The following CFAP69 variants were observed in gnomAD, a reference collection of about 807,000 sequenced individuals.
The protein encoded by CFAP69 is cilia and flagella associated protein 69.
Under a neutral mutation model 123.0 loss-of-function variants are expected in CFAP69, and 92 were observed. The observed-to-expected ratio is 0.75, with a 90% confidence interval of 0.63 to 0.89. The LOEUF (loss-of-function observed/expected upper bound fraction) is 0.89, where lower values mean the gene tolerates loss of function less well. CFAP69 is among the 40% of genes least tolerant of loss of function. CFAP69 has a pLI of 0.00. For synonymous variants in CFAP69, 380 were observed against 364.3 expected (o/e 1.04, Z -0.49); for missense variants, 1,067 against 1,096.9 (o/e 0.97, Z 0.39).
intron 21 of CFAP69, among the ~76,000 whole-genome samples, chr7:90,308,344 T>G (rs1793906183): frequency 6.6e-6 from 1 of 152,180 alleles, no homozygotes; most frequent in Non-Finnish European, 1.5e-5. Context: ...CTACTTCAAC[T>G]GTAAGCTAGA....
intron 15 of CFAP69, among the ~76,000 whole-genome samples, chr7:90,289,512 G>A (rs942746297): frequency 2.0e-5 from 3 of 151,860 alleles, no homozygotes; most frequent in African/African-American, 7.3e-5. Context: ...TTCTTTATAT[G>A]TCCTGGATAT....
downstream of CFAP69, among the ~76,000 whole-genome samples, chr7:90,311,996 T>A (rs1028734892): frequency 6.6e-6 from 1 of 152,202 alleles, no homozygotes; most frequent in East Asian, 1.9e-4. Flanking sequence ...TTAGGTACAC[T>A]TGAATTGATG....
chr7:90,304,196 G>A, intron 18 of CFAP69, 90 bp downstream of exon 18: 2 of 1,419,228 alleles, frequency 1.4e-6, no homozygotes, highest in Admixed American at 2.9e-5. Flanking sequence ...AATATAATGA[G>A]CAAAAATCTC....
intron 15 of CFAP69, 27 bp downstream of exon 15, chr7:90,288,379 T>C (rs1388333974): frequency 3.1e-6 from 5 of 1,599,034 alleles, no homozygotes; most frequent in Admixed American, 1.7e-5. Flanking sequence ...TCAAATTAGG[T>C]AGACTCACAG....
intron 20 of CFAP69, among the ~76,000 whole-genome samples, 176 bp from the exon 21 acceptor site, chr7:90,307,592 A>C (rs1793784135): frequency 6.6e-6 from 1 of 152,046 alleles, no homozygotes; most frequent in African/African-American, 2.4e-5. Context: ...GAGTTACTAT[A>C]TTCAATGCTG....
In CFAP69 at chr7:90,286,000, C is replaced by T. The variant is rs145837922; in HGVS notation, c.1538-281C>T. ...GGTTACTATGCAATGAAAATATCCT[C>T]TTCTAAAATAGTTTTTCTAGGCTGG... On this transcript the variant is annotated intron_variant, in intron 13 of 22. Transcript: ENST00000389297. Among the ~76,000 whole-genome samples, 1,354 of 152,232 alleles carry T rather than the reference C, an allele frequency of 8.9e-3. 21 individuals carry two copies. Among genetic ancestry groups the T allele is most frequent in the African/African-American group, 0.031 (1,267 of 41,518 alleles).
intron 2 of CFAP69, 32 bp downstream of exon 2, chr7:90,255,514 T>C: frequency 6.7e-7 from 1 of 1,496,018 alleles, no homozygotes; most frequent in Non-Finnish European, 9.3e-7. Flanking sequence ...ATTACTCCGC[T>C]GCATTACTTA....
downstream of CFAP69, among the ~76,000 whole-genome samples, chr7:90,313,958 A>C (rs1794547638): frequency 6.6e-6 from 1 of 152,224 alleles, no homozygotes; most frequent in Non-Finnish European, 1.5e-5. Flanking sequence ...AAGTCACGTC[A>C]ATGACATGTG....
chr7:90,264,100 AAAAAATATATATAT>A (rs1798728345), intron 4 of CFAP69, among the ~76,000 whole-genome samples: 1 of 33,062 alleles, frequency 3.0e-5, no homozygotes. Flanking sequence ...CGAAAAAAAA[AAAAAATATATATAT>A]ATATATATAT....
chr7:90,292,408 C>A (rs1791333684), intron 15 of CFAP69, among the ~76,000 whole-genome samples: 1 of 152,156 alleles, frequency 6.6e-6, no homozygotes. Flanking sequence ...TCCCAAAGGA[C>A]TTTTATTGGC....
In CFAP69 at chr7:90,278,024, T is replaced by C. The variant is rs574927235; in HGVS notation, c.1155+690T>C. ...TTTTAAACTATAAAGTGACAGTAAA[T>C]GTATTATTAACAATTCTGTTTAGTT... On this transcript the variant is annotated intron_variant, in intron 11 of 22. Coordinates refer to ENST00000389297, the MANE Select transcript of CFAP69 (RefSeq NM_001039706.3). Among the ~76,000 whole-genome samples, 50 of 152,210 alleles carry C rather than the reference T, an allele frequency of 3.3e-4. 1 individual carries two copies. The South Asian group carries it at 9.9e-3, about 30-fold the overall frequency.
At chr7:90,310,045 A>G (rs1315644802) in intron 22 of CFAP69, 23 bp from the exon 23 acceptor site, 9 of 1,589,490 alleles carry the variant, frequency 5.7e-6, no homozygotes, top group African/African-American at 1.4e-5. Context: ...GGACTTTTAG[A>G]TATTTACCTT....
chr7:90,295,027 C>T (rs926288975), intron 15 of CFAP69, among the ~76,000 whole-genome samples: 17 of 152,260 alleles, frequency 1.1e-4, no homozygotes, highest in African/African-American at 2.6e-4. Context: ...TCAGTCGAGA[C>T]GGGATCTTTT....
chr7:90,263,191 T>C (rs898983592), intron 4 of CFAP69, among the ~76,000 whole-genome samples: 3 of 152,198 alleles, frequency 2.0e-5, no homozygotes, highest in African/African-American at 7.2e-5. Flanking sequence ...TGTTTAATTG[T>C]ATAATATGAT....
At chr7:90,247,838 C>T (rs1165087207) in intron 1 of CFAP69, among the ~76,000 whole-genome samples, 1 of 151,744 alleles carries the variant, frequency 6.6e-6, no homozygotes, top group Non-Finnish European at 1.5e-5. Context: ...AGTGAGCCTC[C>T]GTCTCAAAAA....
intron 16 of CFAP69, among the ~76,000 whole-genome samples, chr7:90,299,607 A>C (rs1307712849): frequency 6.6e-6 from 1 of 152,096 alleles, no homozygotes; most frequent in Non-Finnish European, 1.5e-5. Context: ...CAACTCAGCC[A>C]CATCAGTCAC....
chr7:90,310,245 A>C lies in CFAP69; in HGVS notation c.*7A>C, dbSNP rs771460930. On this transcript the variant is annotated 3_prime_UTR_variant, in exon 23 of 23. Transcript: ENST00000389297. ...AAAGAGTATTCCTACGTAATATACT[A>C]TAGAGACTTTTTGAAATAAAGTCAG... The C allele has an allele frequency of 3.9e-5, 61 of 1,581,894 alleles. 1 individual carries two copies. In the Admixed American group the frequency reaches 6.1e-4, roughly 16 times the overall value.
chr7:90,316,389 GA>G, the CFAP69 span: 3 of 152,120 alleles, frequency 2.0e-5, no homozygotes, highest in East Asian at 5.8e-4. Flanking sequence ...TTTTGAATAG[GA>G]CAAAAGAGAA....
chr7:90,280,976 C>T (rs756695627), intron 12 of CFAP69, among the ~76,000 whole-genome samples: 2 of 152,168 alleles, frequency 1.3e-5, no homozygotes, highest in Non-Finnish European at 2.9e-5. Context: ...TTCAGCCTAT[C>T]CTTTATATCA....
Sources: gnomAD v4.1 joint callset for allele counts (sites outside exome capture counted in the v4.1 genomes callset) on GRCh38, gnomAD v4.1.1 for gene constraint, MANE v1.5 for transcripts, NCBI Gene and HGNC (gene_info 2026-07-23, HGNC 2026-07-21) for gene names.